BICD1: variants seen among roughly 807,000 people sequenced by gnomAD.
BICD1 encodes the protein protein bicaudal D homolog 1.
BICD1 carries 35 observed loss-of-function variants against 92.5 expected under a neutral mutation model. The ratio of observed to expected loss-of-function variants is 0.38; its 90% confidence interval spans 0.29 to 0.50. BICD1 has a LOEUF of 0.50. BICD1 is among the 20% of genes least tolerant of loss of function. BICD1 has a pLI of 0.93. For synonymous variants in BICD1, 429 were observed against 465.1 expected, an observed-to-expected ratio of 0.92 and a Z score of 1.00; for missense variants, 950 against 1,189.8, an observed-to-expected ratio of 0.80 and a Z score of 2.97.
chr12:32,231,427 G>T (rs1381031435), intron 2 of BICD1, among the ~76,000 whole-genome samples: 3 of 151,872 alleles, frequency 2.0e-5, no homozygotes, highest in Non-Finnish European at 2.9e-5. Context: ...CTCCAGCCTG[G>T]GTGACAGAAC....
intron 1 of BICD1, among the ~76,000 whole-genome samples, chr12:32,215,685 T>C (rs187786): frequency 6.6e-6 from 1 of 151,956 alleles, no homozygotes; most frequent in Non-Finnish European, 1.5e-5. Context: ...CGCGGTGGCT[T>C]ATGCCTGTAA....
intron 2 of BICD1, among the ~76,000 whole-genome samples, chr12:32,278,716 C>T (rs185894463): frequency 2.9e-3 from 440 of 152,138 alleles, no homozygotes; most frequent in South Asian, 5.2e-3. Flanking sequence ...ATTAGCCGGG[C>T]GTGTTGGCGG....
At chr12:32,373,190 T>C (rs1939804522) in intron 9 of BICD1, among the ~76,000 whole-genome samples, 1 of 152,158 alleles carries the variant, frequency 6.6e-6, no homozygotes. Flanking sequence ...GTAAAATCAA[T>C]GGTAAATGTT....
chr12:32,191,322 A>G (rs1332479973), intron 1 of BICD1, among the ~76,000 whole-genome samples: 1 of 152,060 alleles, frequency 6.6e-6, no homozygotes, highest in Non-Finnish European at 1.5e-5. Context: ...ATCTAGCTTT[A>G]CCAAGAAAAA....
chr12:32,305,668 A>G (rs1948191956), intron 3 of BICD1, 29 bp from the exon 4 acceptor site: 1 of 1,548,306 alleles, frequency 6.5e-7, no homozygotes. Flanking sequence ...TTTTAGTTTT[A>G]TGAATCTTCT....
chr12:32,228,358 T>C (rs1945767535), intron 2 of BICD1, among the ~76,000 whole-genome samples: 2 of 152,182 alleles, frequency 1.3e-5, no homozygotes, highest in Non-Finnish European at 2.9e-5. Context: ...GGTCTATTTC[T>C]GGAATCTGTA....
At chr12:32,107,905 T>G (rs1209543209) in intron 1 of BICD1, 3 of 575,582 alleles carry the variant, frequency 5.2e-6, no homozygotes, top group Non-Finnish European at 3.1e-6. Context: ...CAGCGACAAT[T>G]TCGTAGTCCA....
intron 2 of BICD1, among the ~76,000 whole-genome samples, chr12:32,248,292 GGT>G: frequency 6.6e-6 from 1 of 152,266 alleles, no homozygotes; most frequent in South Asian, 2.1e-4. Flanking sequence ...TAGGAACCAA[GGT>G]CTGATGAGAG....
chr12:32,342,252 G>GT (rs1555170830), intron 8 of BICD1, among the ~76,000 whole-genome samples: 18 of 133,726 alleles, frequency 1.3e-4, no homozygotes, highest in East Asian at 6.5e-4. Context: ...TTGGGGGTTT[G>GT]TTTTTTTTTC....
intron 2 of BICD1, among the ~76,000 whole-genome samples, chr12:32,267,031 G>T (rs938052965): frequency 6.6e-6 from 1 of 152,180 alleles, no homozygotes; most frequent in African/African-American, 2.4e-5. Context: ...ATGGTTCCAT[G>T]GTGCCAGCAC....
intron 8 of BICD1, among the ~76,000 whole-genome samples, chr12:32,347,382 G>C (rs1374348615): frequency 1.3e-5 from 2 of 151,168 alleles, no homozygotes; most frequent in African/African-American, 4.9e-5. Context: ...GCTCATGCCT[G>C]TAATCCCAGC....
chr12:32,215,491 T>C (rs1230101576), intron 1 of BICD1, among the ~76,000 whole-genome samples: 3 of 152,352 alleles, frequency 2.0e-5, no homozygotes, highest in Admixed American at 6.5e-5. Flanking sequence ...TTAAGGATAC[T>C]GTTTATAATT....
In BICD1 at chr12:32,306,089, A is replaced by G. The variant is rs777284267; in HGVS notation, c.972A>G (p.Ser324=). ...VSDLFSELNI[S]EIQKLKQQLM... ...ACTTATTCAGTGAGCTGAACATTTC[A>G]GAAATACAGAAGTTGAAGCAGCAGC... Residue 324 remains serine (S), a synonymous_variant, in exon 4 of 10, where the codon TCA becomes TCG. Transcript: ENST00000652176. 1.9e-6 allele frequency: 3 copies of G among 1,606,688 alleles called. No homozygotes were observed. Among genetic ancestry groups the G allele is most frequent in the Non-Finnish European group, 1.7e-6 (2 of 1,177,712 alleles).
At position 32,346,633 on chromosome 12, in the gene BICD1, T is replaced by C. The variant is rs1350052478; in HGVS notation, c.2764+7654T>C. ...ATATACGTGTATATATATATATATATACGTGTATATATATATATATATATA... is the reference window on the plus strand; with the variant it reads ...ATATACGTGTATATATATATATATACACGTGTATATATATATATATATATA... On this transcript the variant is annotated intron_variant, in intron 8 of 9. Transcript: ENST00000652176. Among the ~76,000 whole-genome samples the C allele has an allele frequency of 1.4e-3, 26 of 18,076 alleles. 3 individuals carry two copies. The highest frequency in any genetic ancestry group is 2.2e-3 in the African/African-American group (8 of 3,560). The allele number at this position is 18,076 out of a possible 152,430, so 11.9% of individuals were successfully genotyped here. A position where few individuals can be genotyped will look rare whatever the true frequency, so the allele number is the denominator to read the frequency against.
At chr12:32,141,633 C>G (rs1942923928) in intron 1 of BICD1, among the ~76,000 whole-genome samples, 1 of 152,106 alleles carries the variant, frequency 6.6e-6, no homozygotes, top group Non-Finnish European at 1.5e-5. Context: ...GCCACTACGC[C>G]CAGCTAATTT....
chr12:32,264,175 A>G (rs1946932145), intron 2 of BICD1, among the ~76,000 whole-genome samples: 1 of 152,246 alleles, frequency 6.6e-6, no homozygotes, highest in African/African-American at 2.4e-5. Flanking sequence ...GAGTAAATGA[A>G]TTATTATGTA....
chr12:32,306,325 C>G (rs1395485252), intron 4 of BICD1, among the ~76,000 whole-genome samples: 3 of 152,046 alleles, frequency 2.0e-5, no homozygotes, highest in East Asian at 1.9e-4. Context: ...CTCACTGCAA[C>G]CTCCGCCTCC....
intron 1 of BICD1, chr12:32,107,793 T>G: frequency 1.4e-6 from 1 of 701,162 alleles, no homozygotes; most frequent in Non-Finnish European, 2.6e-6. Flanking sequence ...GGAGGGAGAT[T>G]AGTAAGAGTC....
Position 32,257,211 on chromosome 12 carries a change from C to CAAAAAAAAA in BICD1, c.427-36767_427-36759dup, listed in dbSNP as rs35294412. ...CTGGTGACAGAGGGAGACTCTGTCT[C>CAAAAAAAAA]AAAAAAAAAAAAAAAAAAAAAAAAT... On this transcript the variant is annotated intron_variant, in intron 2 of 9. Transcript: ENST00000652176. Among the ~76,000 whole-genome samples, 18 of 78,250 alleles carry CAAAAAAAAA rather than the reference C, an allele frequency of 2.3e-4. 1 individual carries two copies. Among genetic ancestry groups the CAAAAAAAAA allele is most frequent in the East Asian group, 8.7e-4 (2 of 2,296 alleles). The allele number at this position is 78,250 out of a possible 152,430, so 51.3% of individuals were successfully genotyped here.
Sources: allele counts gnomAD v4.1 joint callset (sites outside exome capture counted in the v4.1 genomes callset), GRCh38; gene constraint gnomAD v4.1.1; transcripts MANE v1.5; gene names NCBI Gene and HGNC (gene_info 2026-07-23, HGNC 2026-07-21).